COL8A2: variants seen among roughly 807,000 people sequenced by gnomAD.
COL8A2 encodes the protein collagen alpha-2(VIII) chain.
A neutral mutation model predicts 24.0 loss-of-function variants in COL8A2; 16 were observed. The ratio of observed to expected loss-of-function variants is 0.67; its 90% CI spans 0.45 to 1.01. The LOEUF is 1.01. Among genes scored for constraint, COL8A2 ranks in the 50% least tolerant of loss-of-function variants. The pLI is 0.00. For missense variants in COL8A2, 818 were observed against 942.4 expected (o/e 0.87, Z 1.73); for synonymous variants, 466 against 424.5 (o/e 1.10, Z -1.20).
At chr1:36,099,742 C>T (rs1403141739) in intron 3 of COL8A2, among the ~76,000 whole-genome samples, 1 of 152,118 alleles carries the variant, frequency 6.6e-6, no homozygotes, top group Non-Finnish European at 1.5e-5. Flanking sequence ...TGATTCTCAC[C>T]TCTCATCCCT....
rs1213310002 is a variant in COL8A2 at position 36,099,498 on chromosome 1, AAGAG to A, written c.194-15_194-12del. The A allele has an allele frequency of 5.9e-6, 9 of 1,525,990 alleles. No individual in the cohort carries two copies. The highest frequency in any genetic ancestry group is 7.0e-6 in the Non-Finnish European group (8 of 1,137,128). The allele number at this position is 1,525,990 out of a possible 1,614,324, so 94.5% of individuals were successfully genotyped here. The stretch of plus-strand genomic sequence containing the variant: ...GCGGTAGAGGCATTTCTGAGAAAGA[AAGAG>A]AAAGGGGCAGTCAGGGGCCTGAACT... On this transcript the variant is annotated splice_polypyrimidine_tract_variant and intron_variant, in intron 3 of 3. Transcript: ENST00000397799.
intron 2 of COL8A2, among the ~76,000 whole-genome samples, chr1:36,109,627 T>A (rs1250497012): frequency 1.3e-5 from 2 of 150,864 alleles, no homozygotes; most frequent in Non-Finnish European, 2.9e-5. Flanking sequence ...TGGAGTGCAG[T>A]GGCACGATCT....
chr1:36,097,792 C>T lies in COL8A2; in HGVS notation c.1889G>A (p.Gly630Asp), dbSNP rs938886783. 2.5e-6 allele frequency: 4 copies of T among 1,613,824 alleles called. No individual in the cohort carries two copies. Among genetic ancestry groups the T allele is most frequent in the Non-Finnish European group, 3.4e-6 (4 of 1,180,024 alleles). Reference sequence around the variant, plus strand: ...GTACAGGGCCACCCACACGTTGGTGCCCTTGACGTGCACATGGTAAGCAAA... The same window carrying T: ...GTACAGGGCCACCCACACGTTGGTGTCCTTGACGTGCACATGGTAAGCAAA... ...YYFAYHVHVK[G>D]TNVWVALYKN... is the part of the protein sequence containing the mutation. The change falls in exon 4 of 4, where the codon GGC (glycine) becomes GAC (aspartate). Residue 630 changes from glycine to aspartate, a missense_variant. Physicochemically the swap from Gly to Asp is moderately conservative, Grantham distance 94 (BLOSUM62 -1). Coordinates refer to ENST00000397799, the MANE Select transcript of COL8A2 (RefSeq NM_005202.4).
At chr1:36,106,384 A>G (rs1643762071) in intron 2 of COL8A2, among the ~76,000 whole-genome samples, 1 of 151,834 alleles carries the variant, frequency 6.6e-6, no homozygotes, top group Non-Finnish European at 1.5e-5. Context: ...GCCCGTAACC[A>G]CCACACCATC....
intron 2 of COL8A2, among the ~76,000 whole-genome samples, chr1:36,105,500 A>G (rs530096535): frequency 4.6e-5 from 7 of 152,186 alleles, no homozygotes; most frequent in Non-Finnish European, 8.8e-5. Flanking sequence ...TGCCCGCCTC[A>G]CCTTGCTCTG....
In COL8A2 at chr1:36,097,775, C is replaced by T; in HGVS notation, c.1906G>A (p.Ala636Thr). The T allele has an allele frequency of 6.2e-7, 1 of 1,613,856 alleles. No individual in the cohort carries two copies. Among genetic ancestry groups the T allele is most frequent in the South Asian group, 1.1e-5 (1 of 91,088 alleles). ...GCCGGCACGTTGTTCTTGTACAGGG[C>T]CACCCACACGTTGGTGCCCTTGACG... is the stretch of plus-strand genomic sequence containing the variant. The part of the protein sequence containing the change: ...VHVKGTNVWV[A>T]LYKNNVPATY... The change falls in exon 4 of 4, where the codon GCC becomes ACC. Residue 636 changes from alanine to threonine, a missense_variant. Ala to Thr is a moderately conservative substitution (Grantham distance 58). Coordinates refer to ENST00000397799, the MANE Select transcript of COL8A2 (RefSeq NM_005202.4).
In COL8A2 at chr1:36,098,560, G is replaced by T; in HGVS notation, c.1121C>A (p.Pro374His). The T allele has an allele frequency of 6.2e-7, 1 of 1,604,982 alleles. No individual in the cohort carries two copies. The highest frequency in any genetic ancestry group is 1.3e-5 in the African/African-American group (1 of 74,688). The change falls in exon 4 of 4, where the codon CCC becomes CAC. Residue 374 changes from proline (P) to histidine (H), a missense_variant. By Grantham distance (77) the Pro-to-His change is moderately conservative. Transcript: ENST00000397799. ...CCCTGCCTCACCCTTAGGCCCAGGGGGCCCACGTCTGCCAGGAAGCCCTGC... is the reference window on the plus strand; with the variant it reads ...CCCTGCCTCACCCTTAGGCCCAGGGTGCCCACGTCTGCCAGGAAGCCCTGC... ...GSAGLPGRRG[P>H]PGPKGEAGPG...
At position 36,098,573 on chromosome 1, in the gene COL8A2, C is replaced by T; in HGVS notation, c.1108G>A (p.Gly370Ser). ...PGLPGSAGLP[G>S]RRGPPGPKGE... ...TTAGGCCCAGGGGGCCCACGTCTGC[C>T]AGGAAGCCCTGCAGACCCAGGAAGT... is the stretch of plus-strand genomic sequence containing the variant. The change falls in exon 4 of 4, where the codon GGC (glycine) becomes AGC (serine). Residue 370 changes from glycine to serine, a missense_variant. Transcript: ENST00000397799. The T allele has an allele frequency of 6.2e-7, 1 of 1,608,308 alleles. No individual in the cohort carries two copies. Among genetic ancestry groups the T allele is most frequent in the Non-Finnish European group, 8.5e-7 (1 of 1,178,088 alleles).
At position 36,098,084 on chromosome 1, in the gene COL8A2, G is replaced by A. The variant is rs1194766907; in HGVS notation, c.1597C>T (p.Pro533Ser). 6.5e-7 allele frequency: 1 copy of A among 1,546,504 alleles called. No homozygotes were observed. Among genetic ancestry groups the A allele is most frequent in the African/African-American group, 1.4e-5 (1 of 73,298 alleles). Residue 533 changes from proline (P) to serine (S), a missense_variant, in exon 4 of 4, where the codon CCT becomes TCT. By Grantham distance (74) the Pro-to-Ser change is moderately conservative. This residue lies in a region of COL8A2 where 235 missense variants were observed against 297.3 expected (regional missense o/e 0.79). Transcript: ENST00000397799. Reference sequence around the variant, plus strand: ...ATGCCAGTCTCATCGAAGGCCCCAGGGGCACCAGGGGGTCCCGGGGGCCCG... The same window carrying A: ...ATGCCAGTCTCATCGAAGGCCCCAGAGGCACCAGGGGGTCCCGGGGGCCCG... ...PPGPPGPPGAPGAFDETGIAG... is the reference protein window; with the variant it reads ...PPGPPGPPGASGAFDETGIAG...
At chr1:36,120,502 CA>C (rs1251547734) in intron 1 of COL8A2, among the ~76,000 whole-genome samples, 1 of 151,702 alleles carries the variant, frequency 6.6e-6, no homozygotes, top group African/African-American at 2.4e-5. Flanking sequence ...GTAACCCCAG[CA>C]CTTTGGGAGG....
intron 2 of COL8A2, among the ~76,000 whole-genome samples, chr1:36,114,212 G>A (rs541037711): frequency 2.0e-5 from 3 of 151,810 alleles, no homozygotes; most frequent in African/African-American, 4.8e-5. Flanking sequence ...CCAGCTACTC[G>A]GGAGGCTGAG....
chr1:36,121,593 A>G (rs1643914793), intron 1 of COL8A2, among the ~76,000 whole-genome samples: 1 of 149,122 alleles, frequency 6.7e-6, no homozygotes, highest in Non-Finnish European at 1.5e-5. Flanking sequence ...CTATAATCCC[A>G]GGTACTTGGG....
chr1:36,103,300 T>C (rs1643706159), intron 2 of COL8A2, among the ~76,000 whole-genome samples: 1 of 152,092 alleles, frequency 6.6e-6, no homozygotes. Flanking sequence ...TGAGACAGGG[T>C]CTTGCTCTGT....
Position 36,115,914 on chromosome 1 carries a change from A to C in COL8A2, c.-61-162T>G, listed in dbSNP as rs892505113. 2.6e-5 allele frequency among the ~76,000 whole-genome samples: 4 copies of C among 152,008 alleles called. No individual in the cohort carries two copies. Among genetic ancestry groups the C allele is most frequent in the Admixed American group, 6.6e-5 (1 of 15,264 alleles). On this transcript the variant is annotated intron_variant, in intron 1 of 3. Transcript: ENST00000397799. The surrounding 1 kb of genome is among the most constrained non-coding windows in gnomAD (Gnocchi z 5.7). ...TTGTCTGTACTAAAAATTTTAAAAA[A>C]TTAGCTGGGCATGATGGTGCACGCC... is the stretch of plus-strand genomic sequence containing the variant.
intron 2 of COL8A2, among the ~76,000 whole-genome samples, chr1:36,104,085 T>C (rs1362617891): frequency 4.6e-5 from 7 of 151,640 alleles, no homozygotes; most frequent in Non-Finnish European, 8.8e-5. Context: ...TCCCAGCTAC[T>C]TGGGGGGCTG....
At chr1:36,122,797 A>C (rs973618294) in intron 1 of COL8A2, among the ~76,000 whole-genome samples, 1 of 151,966 alleles carries the variant, frequency 6.6e-6, no homozygotes, top group Non-Finnish European at 1.5e-5. Context: ...AGATTATATC[A>C]TTCGCAGCTC....
chr1:36,121,704 T>A (rs1643915652), intron 1 of COL8A2, among the ~76,000 whole-genome samples: 1 of 106,314 alleles, frequency 9.4e-6, no homozygotes, highest in Admixed American at 1.2e-4. Context: ...CCAGACTCTG[T>A]CTCAAAAAAA....
At chr1:36,118,860 C>T (rs184488335) in intron 1 of COL8A2, among the ~76,000 whole-genome samples, 111 of 152,336 alleles carry the variant, frequency 7.3e-4, no homozygotes, top group African/African-American at 2.4e-3. Flanking sequence ...GCTCCTACTA[C>T]GGGCAGGCTC....
chr1:36,108,727 G>A (rs1286987114), intron 2 of COL8A2, among the ~76,000 whole-genome samples: 1 of 152,154 alleles, frequency 6.6e-6, no homozygotes, highest in East Asian at 1.9e-4. Flanking sequence ...AGTGGCGGTG[G>A]TGTGCAGCAA....
Sources: gnomAD v4.1 joint callset for allele counts (sites outside exome capture counted in the v4.1 genomes callset) on GRCh38, gnomAD v4.1.1 for gene constraint, gnomAD v4.1.1 regional missense constraint, Gnocchi (gnomAD v3.1) non-coding constraint, MANE v1.5 for transcripts, NCBI Gene and HGNC (gene_info 2026-07-23, HGNC 2026-07-21) for gene names.